BRD10: variants seen among roughly 807,000 people sequenced by gnomAD.
BRD10 encodes the protein uncharacterized bromodomain-containing protein 10.
the BRD10 span, among the ~76,000 whole-genome samples, chr9:6,002,737 C>T: frequency 6.6e-6 from 1 of 150,418 alleles, no homozygotes; most frequent in Admixed American, 6.6e-5. Context: ...AGTGCAGCAG[C>T]ACCATCTCGG....
chr9:5,905,932 G>A, the BRD10 span, among the ~76,000 whole-genome samples: 2 of 152,052 alleles, frequency 1.3e-5, no homozygotes, highest in Admixed American at 6.6e-5. Flanking sequence ...TTTTCTTTCT[G>A]TTAACATTCC....
the BRD10 span, among the ~76,000 whole-genome samples, chr9:5,985,780 C>T: frequency 3.5e-5 from 3 of 86,216 alleles, no homozygotes; most frequent in African/African-American, 6.1e-5. Context: ...AGCAAAACTC[C>T]GTCTCAAAAA....
the BRD10 span, among the ~76,000 whole-genome samples, chr9:5,918,717 T>TG: frequency 6.8e-6 from 1 of 146,312 alleles, no homozygotes; most frequent in Admixed American, 6.9e-5. Context: ...ACCTAATACT[T>TG]GGGGGGCTGA....
the BRD10 span, among the ~76,000 whole-genome samples, chr9:5,985,789 A>AAAAAT: frequency 6.9e-6 from 1 of 145,576 alleles, no homozygotes; most frequent in African/African-American, 2.5e-5. Flanking sequence ...CCGTCTCAAA[A>AAAAAT]AAAATAAATA....
At chr9:5,912,665 C>T in the BRD10 span, among the ~76,000 whole-genome samples, 1 of 152,160 alleles carries the variant, frequency 6.6e-6, no homozygotes, top group African/African-American at 2.4e-5. Flanking sequence ...TGAGGCTTCC[C>T]TGCTGCTGAA....
chr9:6,001,903 G>C, the BRD10 span, among the ~76,000 whole-genome samples: 6 of 152,102 alleles, frequency 3.9e-5, no homozygotes, highest in South Asian at 1.2e-3. Context: ...AAATCTGAAA[G>C]TGATTATGTT....
chr9:5,975,389 G>T, the BRD10 span, among the ~76,000 whole-genome samples: 70 of 126,196 alleles, frequency 5.5e-4, no homozygotes, highest in Non-Finnish European at 9.4e-4. Context: ...CAGTGAGCCA[G>T]GATCGCACCA....
chr9:5,971,052 CAAAAAA>C, the BRD10 span, among the ~76,000 whole-genome samples: 16 of 43,196 alleles, frequency 3.7e-4, no homozygotes, highest in Admixed American at 8.2e-4. Context: ...AGCAACGTCT[CAAAAAA>C]AAAAAAAAAA....
chr9:5,937,591 G>T, the BRD10 span, among the ~76,000 whole-genome samples: 1 of 152,150 alleles, frequency 6.6e-6, no homozygotes, highest in African/African-American at 2.4e-5. Context: ...ACTACAGAAG[G>T]ATCTGTACTT....
the BRD10 span, chr9:6,008,195 G>C: frequency 4.1e-5 from 40 of 974,156 alleles, no homozygotes; most frequent in East Asian, 2.3e-4. Flanking sequence ...AGGAGGAAGG[G>C]GGTTCTCCTC....
the BRD10 span, among the ~76,000 whole-genome samples, chr9:5,986,323 A>G: frequency 6.6e-6 from 1 of 152,222 alleles, no homozygotes. Flanking sequence ...TTATGGCTGC[A>G]GAGTATTCCA....
chr9:5,930,512 G>C, the BRD10 span, among the ~76,000 whole-genome samples: 1 of 151,718 alleles, frequency 6.6e-6, no homozygotes, highest in African/African-American at 2.4e-5. Context: ...ACATTAACAG[G>C]TAAATTTCTA....
the BRD10 span, among the ~76,000 whole-genome samples, chr9:5,994,271 C>T: frequency 1.3e-5 from 2 of 151,964 alleles, no homozygotes; most frequent in Non-Finnish European, 2.9e-5. Flanking sequence ...AGTAAAGTAT[C>T]CATATATGAT....
chr9:5,923,955 T>C, the BRD10 span, among the ~76,000 whole-genome samples: 7,474 of 152,302 alleles, frequency 0.049, 286 homozygotes, highest in Middle Eastern at 0.16. Flanking sequence ...CATAACGTAA[T>C]CTGATAAACT....
At chr9:5,922,228 T>C in the BRD10 span, 4 of 1,613,988 alleles carry the variant, frequency 2.5e-6, no homozygotes, top group Non-Finnish European at 1.7e-6. Flanking sequence ...CAGTCTGTTG[T>C]GCAAAACAGT....
chr9:5,916,910 G>A, the BRD10 span, among the ~76,000 whole-genome samples: 1 of 152,078 alleles, frequency 6.6e-6, no homozygotes, highest in Non-Finnish European at 1.5e-5. Flanking sequence ...ATTTAACTTT[G>A]TGCTCTAGCC....
At chr9:5,961,201 A>G in the BRD10 span, among the ~76,000 whole-genome samples, 1 of 152,248 alleles carries the variant, frequency 6.6e-6, no homozygotes, top group East Asian at 1.9e-4. Flanking sequence ...AATCCTCAAA[A>G]TAACCTAGAA....
chr9:5,908,090 C>T, the BRD10 span, among the ~76,000 whole-genome samples: 3 of 152,234 alleles, frequency 2.0e-5, no homozygotes, highest in Non-Finnish European at 4.4e-5. Context: ...TGATTCTTAG[C>T]TCCACAACTT....
the BRD10 span, among the ~76,000 whole-genome samples, chr9:5,903,921 G>C: frequency 6.6e-6 from 1 of 151,622 alleles, no homozygotes; most frequent in Non-Finnish European, 1.5e-5. Flanking sequence ...GCAGTGGTGT[G>C]ATCTCAGCTC....
Sources: gnomAD v4.1 joint callset for allele counts (sites outside exome capture counted in the v4.1 genomes callset) on GRCh38, gnomAD v4.1.1 for gene constraint, MANE v1.5 for transcripts, NCBI Gene and HGNC (gene_info 2026-07-23, HGNC 2026-07-21) for gene names.